Variants in SCN11A observed in about 807,000 individuals in gnomAD.
The protein encoded by SCN11A is sodium voltage-gated channel alpha subunit 11, also known as sodium channel protein type 11 subunit alpha.
Under a neutral mutation model 162.2 loss-of-function variants are expected in SCN11A, and 122 were observed. The observed-to-expected ratio is 0.75, with a 90% CI of 0.65 to 0.87. SCN11A has a LOEUF of 0.87. Ranked by LOEUF, SCN11A falls within the 40% of genes least tolerant of loss-of-function variation. The pLI, the probability that SCN11A is intolerant of heterozygous loss-of-function variation, is 0.00. For missense variants in SCN11A, 2,015 were observed against 2,181.6 expected (o/e 0.92, Z 1.52); for synonymous variants, 758 against 751.5 (o/e 1.01, Z -0.14).
At chr3:38,885,567 T>C (rs142113013) in intron 20 of SCN11A, among the ~76,000 whole-genome samples, 165 bp from the exon 21 acceptor site, 24 of 152,324 alleles carry the variant, frequency 1.6e-4, no homozygotes. Flanking sequence ...GGTCCTTTTC[T>C]AAGTGCTATG....
At chr3:39,007,813 G>C (rs560302322) in intron 2 of SCN11A, among the ~76,000 whole-genome samples, 2 of 152,176 alleles carry the variant, frequency 1.3e-5, no homozygotes, top group Non-Finnish European at 2.9e-5. Flanking sequence ...AGACATTGTA[G>C]CAAATTATCA....
chr3:38,985,272 C>A (rs1559564529), intron 2 of SCN11A, among the ~76,000 whole-genome samples: 1 of 149,000 alleles, frequency 6.7e-6, no homozygotes, highest in African/African-American at 2.6e-5. Flanking sequence ...GGACTACAGG[C>A]ACCCGCCACT....
At chr3:38,874,725 C>T (rs1476421326) in intron 23 of SCN11A, among the ~76,000 whole-genome samples, 2 of 139,080 alleles carry the variant, frequency 1.4e-5, no homozygotes, top group African/African-American at 2.7e-5. Context: ...GTATACTTCT[C>T]CCATTCTTAC....
intron 28 of SCN11A, among the ~76,000 whole-genome samples, chr3:38,857,182 C>T: frequency 6.6e-6 from 1 of 151,836 alleles, no homozygotes; most frequent in East Asian, 1.9e-4. Flanking sequence ...ATAAAGAATT[C>T]AGAAGATTTA....
At position 38,886,140 on chromosome 3, in the gene SCN11A, T is replaced by A; in HGVS notation, c.2934A>T (p.Ile978=). The A allele has an allele frequency of 6.2e-7, 1 of 1,610,896 alleles. No individual in the cohort carries two copies. The highest frequency in any genetic ancestry group is 1.7e-5 in the Admixed American group (1 of 60,010). ...MFSEDEPHLT[I]QDPRKKSDVT... ...GGAAAATTACCTTTCGGGGATCCTGTATGGTCAGATGAGGCTCATCTTCAG... is the reference window on the plus strand; with the variant it reads ...GGAAAATTACCTTTCGGGGATCCTGAATGGTCAGATGAGGCTCATCTTCAG... Residue 978 remains isoleucine (I), a synonymous_variant, in exon 20 of 30, where the codon ATA becomes ATT. Coordinates refer to ENST00000302328, the MANE Select transcript of SCN11A (RefSeq NM_001349253.2).
chr3:38,962,487 A>G (rs371635795), intron 2 of SCN11A, among the ~76,000 whole-genome samples: 1 of 152,020 alleles, frequency 6.6e-6, no homozygotes, highest in South Asian at 2.1e-4. Context: ...TATTGATTCT[A>G]CCCATCCATG....
chr3:38,963,352 GATATATAT>G lies in SCN11A; in HGVS notation c.-279-2937_-279-2930del, dbSNP rs377651422. ...ATAAAGAAACTATATCTATTTGATG[GATATATAT>G]ATATATATATATATATATATATATA... is the stretch of plus-strand genomic sequence containing the variant. On this transcript the variant is annotated intron_variant, in intron 2 of 29. Coordinates refer to ENST00000302328, the MANE Select transcript of SCN11A (RefSeq NM_001349253.2). 4.8e-3 allele frequency among the ~76,000 whole-genome samples: 184 copies of G among 38,274 alleles called. 1 individual carries two copies. The highest frequency in any genetic ancestry group is 9.5e-3 in the African/African-American group (134 of 14,068). 25.1% of individuals were successfully genotyped at this position (38,274 alleles called of 152,430 possible). A position where few individuals can be genotyped will look rare whatever the true frequency, so the allele number is the denominator to read the frequency against.
intron 3 of SCN11A, among the ~76,000 whole-genome samples, 29 bp from the exon 4 acceptor site, chr3:38,953,788 C>T (rs763834254): frequency 6.6e-6 from 1 of 152,006 alleles, no homozygotes; most frequent in Non-Finnish European, 1.5e-5. Context: ...AAAAGGCACT[C>T]GAATATAGGG....
At chr3:38,962,792 G>A (rs2066749692) in intron 2 of SCN11A, among the ~76,000 whole-genome samples, 1 of 151,988 alleles carries the variant, frequency 6.6e-6, no homozygotes, top group Non-Finnish European at 1.5e-5. Context: ...AGGTTGCAGT[G>A]AGCAGATATC....
At chr3:38,869,888 C>A (rs1012524603) in intron 26 of SCN11A, among the ~76,000 whole-genome samples, 1 of 152,120 alleles carries the variant, frequency 6.6e-6, no homozygotes, top group African/African-American at 2.4e-5. Flanking sequence ...AAATCCGAAA[C>A]ACTTCTGGTC....
chr3:38,890,195 G>A (rs889040393), intron 19 of SCN11A, among the ~76,000 whole-genome samples: 1 of 152,170 alleles, frequency 6.6e-6, no homozygotes, highest in Non-Finnish European at 1.5e-5. Flanking sequence ...AAGCTCTGGG[G>A]GTGGGGAGGA....
intron 2 of SCN11A, chr3:39,025,968 GACAAAAAT>G (rs71635883): frequency 0.1 from 15,449 of 151,834 alleles, 1,024 homozygotes; most frequent in Non-Finnish European, 0.15. Flanking sequence ...TATTTTTGTT[GACAAAAAT>G]ACTTAAAAGA....
intron 28 of SCN11A, among the ~76,000 whole-genome samples, chr3:38,858,738 T>G (rs11916306): frequency 0.027 from 4,120 of 152,172 alleles, 176 homozygotes; most frequent in African/African-American, 0.09. Flanking sequence ...TGGAGCATTC[T>G]CCATATCACA....
intron 2 of SCN11A, among the ~76,000 whole-genome samples, chr3:39,031,914 C>G (rs2031770096): frequency 6.6e-6 from 1 of 152,124 alleles, no homozygotes. Context: ...ACATTTGCAT[C>G]CTGCTTTAAC....
At chr3:38,890,872 T>C (rs997707121) in intron 19 of SCN11A, among the ~76,000 whole-genome samples, 1 of 152,200 alleles carries the variant, frequency 6.6e-6, no homozygotes. Context: ...GGGAGCAGAT[T>C]CCACTAAAAT....
At chr3:38,986,538 A>G (rs2125592424) in intron 2 of SCN11A, among the ~76,000 whole-genome samples, 1 of 152,338 alleles carries the variant, frequency 6.6e-6, no homozygotes, top group South Asian at 2.1e-4. Context: ...GGGAACCCCG[A>G]AACTGAAGAT....
At chr3:38,996,590 AACTTGAG>A (rs1233785783) in intron 2 of SCN11A, among the ~76,000 whole-genome samples, 1 of 152,172 alleles carries the variant, frequency 6.6e-6, no homozygotes, top group Non-Finnish European at 1.5e-5. Flanking sequence ...GTGGACTTTG[AACTTGAG>A]ACCCTACTTT....
intron 2 of SCN11A, among the ~76,000 whole-genome samples, chr3:39,001,634 G>A (rs1202111007): frequency 6.6e-6 from 1 of 151,904 alleles, no homozygotes; most frequent in Non-Finnish European, 1.5e-5. Context: ...ATTAATTTTT[G>A]TGTATGGCGT....
chr3:39,001,245 C>G lies in SCN11A; in HGVS notation c.-280+31135G>C, dbSNP rs918188244. Among the ~76,000 whole-genome samples the G allele has an allele frequency of 7.9e-5, 12 of 152,230 alleles. No homozygotes were observed. The Middle Eastern group carries it at 0.01, about 129-fold the overall frequency. Reference sequence around the variant, plus strand: ...TAATTCCAGAACATTTTCATCACCCCTCAAAAAAAACTCCATATCCGTTAC... The same window carrying G: ...TAATTCCAGAACATTTTCATCACCCGTCAAAAAAAACTCCATATCCGTTAC... On this transcript the variant is annotated intron_variant, in intron 2 of 29. Coordinates refer to ENST00000302328, the MANE Select transcript of SCN11A (RefSeq NM_001349253.2).
Sources: allele counts gnomAD v4.1 joint callset (sites outside exome capture counted in the v4.1 genomes callset), GRCh38; gene constraint gnomAD v4.1.1; transcripts MANE v1.5; gene names NCBI Gene and HGNC (gene_info 2026-07-23, HGNC 2026-07-21).